Variants in MGAT4C observed in about 807,000 individuals in gnomAD.
MGAT4C encodes alpha-1,3-mannosyl-glycoprotein 4-beta-N-acetylglucosaminyltransferase C.
A neutral mutation model predicts 40.1 loss-of-function variants in MGAT4C; 19 were observed. The observed-to-expected ratio is 0.47, with a 90% CI of 0.33 to 0.70. The LOEUF is 0.70. MGAT4C is among the 30% of genes least tolerant of loss of function. The pLI is 0.02. For missense variants in MGAT4C, 491 were observed against 563.2 expected (o/e 0.87, Z 1.30); for synonymous variants, 181 against 187.1 (o/e 0.97, Z 0.27).
At chr12:86,665,452 CTG>C (rs1964081237) in intron 2 of MGAT4C, among the ~76,000 whole-genome samples, 1 of 151,988 alleles carries the variant, frequency 6.6e-6, no homozygotes, top group Non-Finnish European at 1.5e-5. Context: ...TCTCGGCTCA[CTG>C]CAAGTTCCGC....
At chr12:86,203,537 T>C (rs78547959) in intron 1 of MGAT4C, among the ~76,000 whole-genome samples, 1 of 152,306 alleles carries the variant, frequency 6.6e-6, no homozygotes, top group African/African-American at 2.4e-5. Context: ...ATTCTAGGTG[T>C]TTTGGTAGCT....
intron 1 of MGAT4C, among the ~76,000 whole-genome samples, chr12:86,227,368 C>T (rs1227089734): frequency 6.6e-6 from 1 of 151,818 alleles, no homozygotes; most frequent in African/African-American, 2.4e-5. Context: ...CCAGTTAAGC[C>T]ACCATCATCT....
intron 1 of MGAT4C, among the ~76,000 whole-genome samples, chr12:86,774,303 C>CTTTCTTTCTTTCTTTCTT (rs1951697585): frequency 4.0e-5 from 1 of 24,844 alleles, no homozygotes; most frequent in African/African-American, 9.7e-5. Context: ...TTCTTTCTTT[C>CTTTCTTTCTTTCTTTCTT]TTTCTTTCTT....
At chr12:86,585,301 A>C (rs1960969399) in intron 2 of MGAT4C, among the ~76,000 whole-genome samples, 1 of 151,502 alleles carries the variant, frequency 6.6e-6, no homozygotes, top group Admixed American at 6.6e-5. Flanking sequence ...ATTCCAAACT[A>C]AAATTCCTAC....
chr12:86,050,979 T>C (rs1468613518), intron 1 of MGAT4C, among the ~76,000 whole-genome samples: 2 of 152,014 alleles, frequency 1.3e-5, no homozygotes, highest in South Asian at 2.1e-4. Flanking sequence ...GACCCAACTA[T>C]AGATCCCAAG....
chr12:86,038,542 T>TTATTTATTTATC (rs1236718329), intron 2 of MGAT4C, among the ~76,000 whole-genome samples: 2 of 145,744 alleles, frequency 1.4e-5, no homozygotes, highest in African/African-American at 5.1e-5. Context: ...AACCCTTGCT[T>TTATTTATTTATC]TATTTATTTA....
chr12:86,212,907 A>C (rs1255892334), intron 1 of MGAT4C, among the ~76,000 whole-genome samples: 1 of 146,620 alleles, frequency 6.8e-6, no homozygotes, highest in East Asian at 2.0e-4. Context: ...AAAAAAAAAA[A>C]AAAAAAAAAA....
At chr12:86,147,293 G>C (rs1402893902) in intron 1 of MGAT4C, among the ~76,000 whole-genome samples, 1 of 151,966 alleles carries the variant, frequency 6.6e-6, no homozygotes, top group Non-Finnish European at 1.5e-5. Context: ...CCAGGCTGGA[G>C]TGCAGTGCCG....
At chr12:86,162,851 C>T (rs1489868035) in intron 1 of MGAT4C, among the ~76,000 whole-genome samples, 1 of 152,110 alleles carries the variant, frequency 6.6e-6, no homozygotes, top group African/African-American at 2.4e-5. Context: ...GGAAGTTTCT[C>T]CTATCACCAA....
At chr12:86,509,007 G>T (rs1316650595) in intron 2 of MGAT4C, among the ~76,000 whole-genome samples, 1 of 151,950 alleles carries the variant, frequency 6.6e-6, no homozygotes, top group South Asian at 2.1e-4. Flanking sequence ...CCATTTTGTA[G>T]GTTGTCTGTT....
rs1884272425 is a variant in MGAT4C at position 85,979,426 on chromosome 12, C to T, written c.1300G>A (p.Glu434Lys). 4.3e-6 allele frequency: 7 copies of T among 1,613,272 alleles called. No homozygotes were observed. The highest frequency in any genetic ancestry group is 5.9e-6 in the Non-Finnish European group (7 of 1,179,526). ...RQCSTYLRLG[E>K]FKNGNFEMSG... Reference sequence around the variant, plus strand: ...ATTTCAAAGTTTCCATTTTTGAATTCTCCTAGTCTTAAGTAAGTAGAACAT... The same window carrying T: ...ATTTCAAAGTTTCCATTTTTGAATTTTCCTAGTCTTAAGTAAGTAGAACAT... The change falls in exon 5 of 5, where the codon GAA becomes AAA. Residue 434 changes from glutamate (E) to lysine (K), a missense_variant. By Grantham distance (56) the Glu-to-Lys change is moderately conservative (BLOSUM62 1). Transcript: ENST00000611864.
chr12:86,753,770 T>A (rs1272986056), intron 1 of MGAT4C, among the ~76,000 whole-genome samples: 1 of 152,052 alleles, frequency 6.6e-6, no homozygotes, highest in Non-Finnish European at 1.5e-5. Context: ...ATGCTTGATA[T>A]CATCAGTCAT....
chr12:86,764,258 T>C (rs1188282430), intron 1 of MGAT4C, among the ~76,000 whole-genome samples: 1 of 152,074 alleles, frequency 6.6e-6, no homozygotes, highest in Non-Finnish European at 1.5e-5. Context: ...GTCTCGCTGA[T>C]TGCTAGCACA....
At chr12:86,327,291 T>C (rs1954550860) in intron 4 of MGAT4C, among the ~76,000 whole-genome samples, 1 of 152,140 alleles carries the variant, frequency 6.6e-6, no homozygotes, top group Admixed American at 6.6e-5. Context: ...TTAAAATTTA[T>C]TTTGTTAATT....
At chr12:86,133,103 C>T (rs1022856211) in intron 1 of MGAT4C, among the ~76,000 whole-genome samples, 1 of 152,182 alleles carries the variant, frequency 6.6e-6, no homozygotes, top group Non-Finnish European at 1.5e-5. Context: ...TGCTTTGTTT[C>T]ATACCTATAT....
chr12:86,416,620 AAAG>A (rs1956721455), intron 3 of MGAT4C, among the ~76,000 whole-genome samples: 3 of 152,122 alleles, frequency 2.0e-5, no homozygotes. Context: ...TAACAGGAAC[AAAG>A]AAGTAGGAGT....
At chr12:86,074,116 G>GAA (rs1869166430) in intron 1 of MGAT4C, among the ~76,000 whole-genome samples, 1 of 151,974 alleles carries the variant, frequency 6.6e-6, no homozygotes, top group South Asian at 2.1e-4. Flanking sequence ...TGTTTATCAG[G>GAA]GGTTTCCGCT....
At chr12:86,472,643 T>C (rs528026871) in intron 2 of MGAT4C, among the ~76,000 whole-genome samples, 1 of 152,288 alleles carries the variant, frequency 6.6e-6, no homozygotes, top group Admixed American at 6.5e-5. Context: ...TGTTCTATCT[T>C]AGTAATATGA....
intron 1 of MGAT4C, among the ~76,000 whole-genome samples, chr12:86,770,727 AT>A (rs2136167871): frequency 6.6e-6 from 1 of 152,248 alleles, no homozygotes; most frequent in East Asian, 1.9e-4. Context: ...ATTCTTGAAT[AT>A]AGTTAATAAT....
Sources: allele counts gnomAD v4.1 joint callset (sites outside exome capture counted in the v4.1 genomes callset), GRCh38; gene constraint gnomAD v4.1.1; transcripts MANE v1.5; gene names NCBI Gene and HGNC (gene_info 2026-07-23, HGNC 2026-07-21).